The following IQCB1 variants were observed in gnomAD, a reference collection of about 807,000 sequenced individuals.
IQCB1 encodes the protein IQ calmodulin-binding motif-containing protein 1.
A neutral mutation model predicts 84.4 loss-of-function variants in IQCB1; 56 were observed. The observed-to-expected ratio is 0.66, with a 90% CI of 0.54 to 0.83. The LOEUF (loss-of-function observed/expected upper bound fraction) is 0.83. IQCB1 is among the 40% of genes least tolerant of loss of function. The pLI is 0.00. For synonymous variants in IQCB1, 210 were observed against 234.8 expected (o/e 0.89, Z 0.96); for missense variants, 629 against 682.1 (o/e 0.92, Z 0.87).
chr3:121,815,338 A>G (rs6438675), intron 5 of IQCB1, among the ~76,000 whole-genome samples: 97,837 of 152,054 alleles, frequency 0.64, 31,977 homozygotes, highest in African/African-American at 0.71. Flanking sequence ...GCATTCCCTT[A>G]GAAAACCAGC....
At position 121,770,355 on chromosome 3, in the gene IQCB1, T is replaced by C; in HGVS notation, c.1787A>G (p.Lys596Arg). ...TCTTAGGGTTACTCACTAAGGTGGT[T>C]TGGTTCCACCAATGAATAAATTTTC... Reference protein sequence around the residue: ...ELENLFIGGTKPP With the variant: ...ELENLFIGGTRPP Residue 596 changes from lysine (K) to arginine (R), a missense_variant, in exon 15 of 15, where the codon AAA becomes AGA. Transcript: ENST00000310864. The C allele has an allele frequency of 1.2e-6, 2 of 1,606,602 alleles. No individual in the cohort carries two copies. The highest frequency in any genetic ancestry group is 1.3e-5 in the African/African-American group (1 of 74,908).
Position 121,805,879 on chromosome 3 carries a change from T to C in IQCB1, c.587+1465A>G, listed in dbSNP as rs181462314. Among the ~76,000 whole-genome samples the C allele has an allele frequency of 3.9e-5, 6 of 152,256 alleles. No homozygotes were observed. The South Asian group carries it at 8.3e-4, about 21-fold the overall frequency. ...TAGCTCTCTTCTCTAGTATTCTGAC[T>C]TGTGAACTCTAGTTATCTTGTTCTC... On this transcript the variant is annotated intron_variant, in intron 7 of 14. Coordinates refer to ENST00000310864, the MANE Select transcript of IQCB1 (RefSeq NM_001023570.4).
At chr3:121,776,611 T>C (rs1283198940) in intron 13 of IQCB1, among the ~76,000 whole-genome samples, 1 of 152,226 alleles carries the variant, frequency 6.6e-6, no homozygotes, top group Non-Finnish European at 1.5e-5. Context: ...GGTCTCAATA[T>C]GTTACCCAGG....
At chr3:121,792,476 G>A (rs544674788) in intron 10 of IQCB1, among the ~76,000 whole-genome samples, 4 of 149,754 alleles carry the variant, frequency 2.7e-5, no homozygotes, top group African/African-American at 7.4e-5. Flanking sequence ...TGGCTAACAC[G>A]GTGAAACCCC....
At chr3:121,810,451 T>A (rs2108598963) in intron 5 of IQCB1, among the ~76,000 whole-genome samples, 1 of 152,162 alleles carries the variant, frequency 6.6e-6, no homozygotes, top group East Asian at 1.9e-4. Flanking sequence ...CATTAAAGAA[T>A]CTTTATCTCA....
At position 121,822,856 on chromosome 3, in the gene IQCB1, A is replaced by G. The variant is rs536981584; in HGVS notation, c.393+3195T>C. Among the ~76,000 whole-genome samples the G allele has an allele frequency of 2.0e-5, 3 of 152,326 alleles. No homozygotes were observed. In the South Asian group the frequency reaches 6.2e-4, roughly 32 times the overall value. ...TCTCAAGTCTTCAGAGGAAGATACG[A>G]ATTTCTACAATGTGTCATTCACAGT... On this transcript the variant is annotated intron_variant, in intron 5 of 14. Transcript: ENST00000310864.
Position 121,799,177 on chromosome 3 carries a change from G to C in IQCB1, c.766+19C>G. ...TTTCTTTTTGAGAATCCCAAGAAAAGAAAGAATGAATGTACTACCTTTGTA... is the reference window on the plus strand; with the variant it reads ...TTTCTTTTTGAGAATCCCAAGAAAACAAAGAATGAATGTACTACCTTTGTA... On this transcript the variant is annotated intron_variant, in intron 8 of 14. Transcript: ENST00000310864. 6.3e-7 allele frequency: 1 copy of C among 1,584,290 alleles called. No individual in the cohort carries two copies.
chr3:121,809,074 G>A, intron 5 of IQCB1, 65 bp from the exon 6 acceptor site: 1 of 859,206 alleles, frequency 1.2e-6, no homozygotes, highest in Non-Finnish European at 1.9e-6. Flanking sequence ...TTTTTTTAAG[G>A]AGACTTCTCT....
chr3:121,827,744 T>C (rs1306086944), intron 4 of IQCB1, among the ~76,000 whole-genome samples: 2 of 152,024 alleles, frequency 1.3e-5, no homozygotes, highest in African/African-American at 4.8e-5. Flanking sequence ...ACCCTTTCAG[T>C]GGGAATAGCT....
intron 12 of IQCB1, among the ~76,000 whole-genome samples, chr3:121,787,730 A>G (rs1457338124): frequency 2.1e-4 from 32 of 149,006 alleles, no homozygotes; most frequent in Non-Finnish European, 4.5e-5. Context: ...CAGCCTTGCA[A>G]CAGAGCAAGA....
At chr3:121,777,362 C>T (rs1231832463) in intron 13 of IQCB1, among the ~76,000 whole-genome samples, 1 of 152,122 alleles carries the variant, frequency 6.6e-6, no homozygotes, top group Non-Finnish European at 1.5e-5. Context: ...GTGGTATACC[C>T]TATTGCTCTT....
At chr3:121,799,446 T>C (rs1038134197) in intron 7 of IQCB1, 72 bp from the exon 8 acceptor site, 34 of 909,282 alleles carry the variant, frequency 3.7e-5, no homozygotes, top group Non-Finnish European at 3.6e-5. Context: ...ATCTAAAATA[T>C]AAGATTCAGT....
At chr3:121,800,644 C>T (rs762680744) in intron 7 of IQCB1, among the ~76,000 whole-genome samples, 1 of 151,902 alleles carries the variant, frequency 6.6e-6, no homozygotes, top group Non-Finnish European at 1.5e-5. Context: ...AAGCCTTCTA[C>T]AGATATCCCT....
intron 1 of IQCB1, among the ~76,000 whole-genome samples, chr3:121,834,729 C>G (rs1456259763): frequency 1.3e-5 from 2 of 152,192 alleles, no homozygotes; most frequent in Admixed American, 1.3e-4. Context: ...GATTCTAGAC[C>G]CGGCTTTCGC....
intron 14 of IQCB1, among the ~76,000 whole-genome samples, chr3:121,771,828 C>T (rs1247870752): frequency 6.6e-6 from 1 of 152,098 alleles, no homozygotes; most frequent in Non-Finnish European, 1.5e-5. Flanking sequence ...TGGATGGGAT[C>T]TCTCATTAAA....
chr3:121,795,362 A>G (rs1949136675), intron 10 of IQCB1, 95 bp downstream of exon 10: 1 of 774,880 alleles, frequency 1.3e-6, no homozygotes, highest in African/African-American at 1.7e-5. Flanking sequence ...AACAAGAAAC[A>G]TACTAGGAAA....
chr3:121,795,329 G>A (rs1288968463), intron 10 of IQCB1, 128 bp downstream of exon 10: 22 of 703,876 alleles, frequency 3.1e-5, no homozygotes, highest in South Asian at 4.6e-5. Context: ...ACCCAGAAAC[G>A]TATGGAAAAA....
chr3:121,789,319 A>G (rs952806836), intron 11 of IQCB1, among the ~76,000 whole-genome samples: 6 of 152,210 alleles, frequency 3.9e-5, no homozygotes. Flanking sequence ...TGGCTACCCT[A>G]CTGGATGGTA....
At chr3:121,786,170 C>CAAAAGAAAAGAAAAGAAAAGAAAG (rs1948712707) in intron 12 of IQCB1, among the ~76,000 whole-genome samples, 1 of 72,848 alleles carries the variant, frequency 1.4e-5, no homozygotes, top group Non-Finnish European at 2.5e-5. Flanking sequence ...GATTCTGTCT[C>CAAAAGAAAAGAAAAGAAAAGAAAG]AAAAGAAAAG....
Sources: gnomAD v4.1 joint callset for allele counts (sites outside exome capture counted in the v4.1 genomes callset) on GRCh38, gnomAD v4.1.1 for gene constraint, MANE v1.5 for transcripts, NCBI Gene and HGNC (gene_info 2026-07-23, HGNC 2026-07-21) for gene names.